The following ICA1 variants were observed in gnomAD, a reference collection of about 807,000 sequenced individuals.
ICA1 encodes the protein 69 kDa islet cell autoantigen.
A neutral mutation model predicts 71.0 loss-of-function variants in ICA1; 40 were observed. That is an observed-to-expected ratio of 0.56 (90% confidence interval 0.44 to 0.73). The LOEUF (loss-of-function observed/expected upper bound fraction) is 0.73. Ranked by LOEUF, ICA1 falls within the 30% of genes least tolerant of loss-of-function variation. ICA1 has a pLI of 0.00. For synonymous variants in ICA1, 207 were observed against 209.5 expected, an observed-to-expected ratio of 0.99 and a Z score of 0.10; for missense variants, 578 against 576.5, an observed-to-expected ratio of 1.00 and a Z score of -0.03.
chr7:8,142,249 C>T (rs969358729), intron 9 of ICA1, among the ~76,000 whole-genome samples: 1 of 152,184 alleles, frequency 6.6e-6, no homozygotes, highest in African/African-American at 2.4e-5. Flanking sequence ...CTCATAAATC[C>T]AGGCTGACCA....
chr7:8,227,461 G>T (rs1050616702), intron 4 of ICA1, among the ~76,000 whole-genome samples: 1 of 152,158 alleles, frequency 6.6e-6, no homozygotes, highest in Non-Finnish European at 1.5e-5. Flanking sequence ...TGGCGGTCAT[G>T]TGTCTTAATT....
In ICA1 at chr7:8,123,391, G is replaced by C. The variant is rs1388522365; in HGVS notation, c.1330+4482C>G. Among the ~76,000 whole-genome samples the C allele has an allele frequency of 6.6e-6, 1 of 152,068 alleles. No individual in the cohort carries two copies. The highest frequency in any genetic ancestry group is 3.2e-3 in the Middle Eastern group (1 of 316). On this transcript the variant is annotated intron_variant, in intron 13 of 13. Coordinates refer to ENST00000402384, the MANE Select transcript of ICA1 (RefSeq NM_001136020.3). The surrounding 1 kb of genome is among the most constrained non-coding windows in gnomAD (Gnocchi z 4.1). The stretch of plus-strand genomic sequence containing the variant: ...CTGAAGAGATGAAGGCGGAAGAGGA[G>C]GGGGAAATGTGGATTGTGAGAGGGG...
At chr7:8,238,814 G>C (rs1009737296) in intron 1 of ICA1, among the ~76,000 whole-genome samples, 7 of 152,128 alleles carry the variant, frequency 4.6e-5, no homozygotes, top group African/African-American at 1.7e-4. Context: ...TGTTCCTCAA[G>C]GTATTGTTTA....
chr7:8,246,689 G>A (rs184339393), intron 1 of ICA1, among the ~76,000 whole-genome samples: 190 of 152,342 alleles, frequency 1.2e-3, no homozygotes, highest in African/African-American at 4.1e-3. Flanking sequence ...AGTGGGGAAG[G>A]ACACTTTGTT....
At chr7:8,146,845 A>G (rs1411354173) in intron 8 of ICA1, among the ~76,000 whole-genome samples, 2 of 136,114 alleles carry the variant, frequency 1.5e-5, no homozygotes, top group African/African-American at 5.5e-5. Flanking sequence ...CAATTACAGC[A>G]TTTTATTCAT....
chr7:8,124,201 A>G, intron 13 of ICA1, among the ~76,000 whole-genome samples: 1 of 146,380 alleles, frequency 6.8e-6, no homozygotes, highest in South Asian at 2.1e-4. Context: ...GCTCACTGCA[A>G]GCTCCGCCTC....
intron 6 of ICA1, among the ~76,000 whole-genome samples, chr7:8,198,023 T>C (rs1411827405): frequency 6.6e-6 from 1 of 152,262 alleles, no homozygotes; most frequent in East Asian, 1.9e-4. Flanking sequence ...TCAACTTTCT[T>C]TTGAAAATTA....
intron 1 of ICA1, among the ~76,000 whole-genome samples, chr7:8,252,174 C>G (rs559255174): frequency 9.2e-5 from 14 of 152,230 alleles, no homozygotes; most frequent in African/African-American, 2.9e-4. Context: ...TTTCAAATAT[C>G]AAATCAAATT....
In ICA1 at chr7:8,128,080, G is replaced by A. The variant is rs759983789; in HGVS notation, c.1123C>T (p.Leu375=). 3 of 1,614,188 alleles carry A rather than the reference G, an allele frequency of 1.9e-6. No homozygotes were observed. Among genetic ancestry groups the A allele is most frequent in the Admixed American group, 1.7e-5 (1 of 60,030 alleles). ...GAAGCATTGAAGATCTCACTCAACA[G>A]CAGCAGGTCATCTTTGTCAGCACCT... The part of the protein sequence containing the change: ...PEGADKDDLL[L]LSEIFNASSL... Residue 375 remains leucine, a synonymous_variant, in exon 13 of 14, where the codon CTG becomes TTG. Transcript: ENST00000402384.
At chr7:8,236,840 C>T (rs997061138) in intron 1 of ICA1, 1 of 152,430 alleles carries the variant, frequency 6.6e-6, no homozygotes, top group Admixed American at 6.5e-5. Context: ...AGAAAGCTCA[C>T]TACTCAAAGG....
intron 1 of ICA1, among the ~76,000 whole-genome samples, chr7:8,247,054 T>G (rs1806310770): frequency 6.6e-6 from 1 of 152,148 alleles, no homozygotes; most frequent in Non-Finnish European, 1.5e-5. Flanking sequence ...CCTTTCCTTT[T>G]CATATATGCT....
intron 11 of ICA1, 36 bp downstream of exon 11, chr7:8,138,949 A>C (rs776729346): frequency 1.2e-6 from 2 of 1,601,524 alleles, no homozygotes; most frequent in South Asian, 2.2e-5. Flanking sequence ...TGAGTCAAAT[A>C]ATTAAAATTG....
chr7:8,174,586 G>T (rs1419296839), intron 6 of ICA1, among the ~76,000 whole-genome samples: 1 of 151,712 alleles, frequency 6.6e-6, no homozygotes, highest in Admixed American at 6.6e-5. Context: ...TTGAGCTCAG[G>T]AGTTTCAGAC....
At chr7:8,244,556 A>G (rs1428247255) in intron 1 of ICA1, among the ~76,000 whole-genome samples, 1 of 152,226 alleles carries the variant, frequency 6.6e-6, no homozygotes, top group Non-Finnish European at 1.5e-5. Flanking sequence ...AAATACACAC[A>G]TGGGATCTAA....
At chr7:8,242,850 C>A (rs570190612) in intron 1 of ICA1, among the ~76,000 whole-genome samples, 1 of 152,240 alleles carries the variant, frequency 6.6e-6, no homozygotes, top group African/African-American at 2.4e-5. Context: ...ATACACCCTC[C>A]CAAGACTAAA....
In ICA1 at chr7:8,124,420, T is replaced by C. The variant is rs115875581; in HGVS notation, c.1330+3453A>G. ...AGGCATGAGCCACCGCGCCCAGCCG[T>C]GTATAGGTAGATTTTCTAGGCCATG... On this transcript the variant is annotated intron_variant, in intron 13 of 13. Coordinates refer to ENST00000402384, the MANE Select transcript of ICA1 (RefSeq NM_001136020.3). 3.6e-3 allele frequency among the ~76,000 whole-genome samples: 542 copies of C among 149,896 alleles called. 3 individuals carry two copies. Among genetic ancestry groups the C allele is most frequent in the African/African-American group, 0.013 (521 of 40,652 alleles).
intron 1 of ICA1, among the ~76,000 whole-genome samples, chr7:8,253,083 G>A (rs1364522628): frequency 8.5e-5 from 13 of 152,154 alleles, no homozygotes; most frequent in Admixed American, 8.5e-4. Flanking sequence ...ATATGTGGCT[G>A]CTGTTATATT....
intron 6 of ICA1, among the ~76,000 whole-genome samples, chr7:8,180,626 T>C (rs779731943): frequency 1.3e-5 from 2 of 152,174 alleles, no homozygotes; most frequent in Non-Finnish European, 2.9e-5. Context: ...ATAGTTCCTG[T>C]TCCTTCACAT....
intron 6 of ICA1, among the ~76,000 whole-genome samples, chr7:8,206,805 C>G (rs1319564647): frequency 6.6e-6 from 1 of 151,416 alleles, no homozygotes; most frequent in Non-Finnish European, 1.5e-5. Flanking sequence ...ACTATTTTCT[C>G]AGCTTCCTTA....
Sources: allele counts gnomAD v4.1 joint callset (sites outside exome capture counted in the v4.1 genomes callset), GRCh38; gene constraint gnomAD v4.1.1; non-coding constraint Gnocchi (gnomAD v3.1); transcripts MANE v1.5; gene names NCBI Gene and HGNC (gene_info 2026-07-23, HGNC 2026-07-21).